Variants in ZFR observed in about 807,000 individuals in gnomAD.
The protein encoded by ZFR is zinc finger RNA-binding protein.
In ZFR, 19 loss-of-function variants were observed where a neutral mutation model predicts 130.7. The ratio of observed to expected loss-of-function variants is 0.15; its 90% confidence interval spans 0.10 to 0.21. ZFR has a LOEUF of 0.21. Among genes scored for constraint, ZFR ranks in the 10% least tolerant of loss-of-function variants. The pLI is 1.00. For missense variants in ZFR, 872 were observed against 1,321.5 expected (o/e 0.66, Z 5.27); for synonymous variants, 466 against 456.9 (o/e 1.02, Z -0.25).
chr5:32,395,078 TG>T, intron 11 of ZFR, 80 bp downstream of exon 11: 1 of 1,450,020 alleles, frequency 6.9e-7, no homozygotes, highest in Non-Finnish European at 9.1e-7. Context: ...TTGCTTTGAA[TG>T]GGAGTCACAT....
At position 32,376,301 on chromosome 5, in the gene ZFR, TTACATA is replaced by T. The variant is rs1209790223; in HGVS notation, c.2835+2808_2835+2813del. On this transcript the variant is annotated intron_variant, in intron 17 of 19. Transcript: ENST00000265069. ...CAAAAATTTTGTTATGTATTTAAAT[TTACATA>T]TACATATCTATAGAAAATAAAATTC... 1.1e-4 allele frequency among the ~76,000 whole-genome samples: 17 copies of T among 152,132 alleles called. 1 individual carries two copies. Among genetic ancestry groups the T allele is most frequent in the Non-Finnish European group, 2.9e-5 (2 of 68,042 alleles).
intron 2 of ZFR, among the ~76,000 whole-genome samples, chr5:32,426,460 A>G (rs1264330056): frequency 2.0e-5 from 3 of 152,200 alleles, no homozygotes; most frequent in African/African-American, 7.2e-5. Context: ...AAAACTATGA[A>G]AAGCCCATAG....
At chr5:32,368,115 C>T (rs1456410337) in intron 17 of ZFR, among the ~76,000 whole-genome samples, 1 of 152,018 alleles carries the variant, frequency 6.6e-6, no homozygotes, top group African/African-American at 2.4e-5. Flanking sequence ...GAGACAAAGA[C>T]CTATGTAAAA....
chr5:32,401,836 G>A (rs896990683), intron 8 of ZFR, among the ~76,000 whole-genome samples: 1 of 152,202 alleles, frequency 6.6e-6, no homozygotes, highest in Non-Finnish European at 1.5e-5. Flanking sequence ...CAATGGCAAC[G>A]AAGAAGTTTT....
At chr5:32,387,475 C>T (rs535864840) in intron 14 of ZFR, 74 bp downstream of exon 14, 45 of 1,554,400 alleles carry the variant, frequency 2.9e-5, no homozygotes, top group South Asian at 4.9e-5. Context: ...AGGTTTAAAC[C>T]GAAGCACAGT....
chr5:32,400,263 T>C, intron 8 of ZFR, 60 bp from the exon 9 acceptor site: 2 of 1,252,800 alleles, frequency 1.6e-6, no homozygotes. Context: ...ATATACCTGA[T>C]AAGACGAAAA....
intron 6 of ZFR, among the ~76,000 whole-genome samples, chr5:32,406,456 G>A (rs989072114): frequency 2.0e-5 from 3 of 152,070 alleles, no homozygotes; most frequent in South Asian, 2.1e-4. Context: ...AAAACACAAC[G>A]AAATAAAAAT....
At chr5:32,381,607 TATCTC>T (rs2111713077) in intron 15 of ZFR, among the ~76,000 whole-genome samples, 1 of 152,340 alleles carries the variant, frequency 6.6e-6, no homozygotes, top group Non-Finnish European at 1.5e-5. Flanking sequence ...AAGTTACTCA[TATCTC>T]ATAAGCATTC....
chr5:32,412,965 G>A (rs573091653), intron 5 of ZFR, among the ~76,000 whole-genome samples: 10 of 152,208 alleles, frequency 6.6e-5, no homozygotes, highest in Admixed American at 2.6e-4. Flanking sequence ...CAAGGTGGGC[G>A]GATCACTTGA....
chr5:32,390,994 T>C (rs1470002917), intron 11 of ZFR, among the ~76,000 whole-genome samples: 1 of 152,202 alleles, frequency 6.6e-6, no homozygotes, highest in Non-Finnish European at 1.5e-5. Flanking sequence ...ATTGTTGCCA[T>C]AAGGGAATAC....
chr5:32,385,667 TAA>T lies in ZFR; in HGVS notation c.2500-20_2500-19del. 1 of 1,610,308 alleles carries T rather than the reference TAA, an allele frequency of 6.2e-7. No individual in the cohort carries two copies. The highest frequency in any genetic ancestry group is 1.7e-5 in the Admixed American group (1 of 59,694). ...CTTATAACCTGTGTAATGAAGATGA[TAA>T]GAAACAAATTGGATCTGTTGTATTA... On this transcript the variant is annotated intron_variant, in intron 14 of 19. Transcript: ENST00000265069.
intron 17 of ZFR, among the ~76,000 whole-genome samples, chr5:32,368,274 CTT>C (rs1752590561): frequency 6.6e-6 from 1 of 152,122 alleles, no homozygotes; most frequent in Non-Finnish European, 1.5e-5. Flanking sequence ...GAGTTTCACT[CTT>C]GTTGTCCAGG....
In ZFR at chr5:32,395,296, T is replaced by C. The variant is rs2111750895; in HGVS notation, c.1842A>G (p.Val614=). ...TTACTTCTACTTGCAAATCTGGATT[T>C]ACTTTTTTCTATTAATATAAATAAG... ...RRHRLQYKKK[V]NPDLQVEVKP... Residue 614 remains valine (V), a synonymous_variant, in exon 11 of 20, where the codon GTA becomes GTG. Coordinates refer to ENST00000265069, the MANE Select transcript of ZFR (RefSeq NM_016107.5). 6.3e-7 allele frequency: 1 copy of C among 1,579,440 alleles called. No individual in the cohort carries two copies. Among genetic ancestry groups the C allele is most frequent in the East Asian group, 2.3e-5 (1 of 44,076 alleles).
At chr5:32,390,087 G>A (rs529078151) in intron 12 of ZFR, among the ~76,000 whole-genome samples, 188 bp downstream of exon 12, 1 of 152,268 alleles carries the variant, frequency 6.6e-6, no homozygotes, top group East Asian at 1.9e-4. Flanking sequence ...GGAAGCGCAC[G>A]TTACGTGCAG....
intron 2 of ZFR, among the ~76,000 whole-genome samples, chr5:32,437,565 G>A (rs1332202379): frequency 3.3e-5 from 5 of 152,174 alleles, no homozygotes; most frequent in Non-Finnish European, 5.9e-5. Flanking sequence ...ACAATTAATA[G>A]TCAAGCAACC....
chr5:32,410,675 C>T (rs1753688051), intron 5 of ZFR, among the ~76,000 whole-genome samples: 1 of 151,898 alleles, frequency 6.6e-6, no homozygotes, highest in South Asian at 2.1e-4. Context: ...ATGTATGATA[C>T]CAGAAACAAA....
intron 17 of ZFR, among the ~76,000 whole-genome samples, chr5:32,375,661 C>A (rs1342891396): frequency 6.6e-6 from 1 of 152,062 alleles, no homozygotes; most frequent in African/African-American, 2.4e-5. Flanking sequence ...CACATGCCAC[C>A]ATGCCGGGCT....
Position 32,374,356 on chromosome 5 carries a change from A to G in ZFR, c.2835+4759T>C, listed in dbSNP as rs982774664. On this transcript the variant is annotated intron_variant, in intron 17 of 19. Coordinates refer to ENST00000265069, the MANE Select transcript of ZFR (RefSeq NM_016107.5). ...CTCTGTCTCTACTAAAAATACAATC[A>G]GCCAGGCGTGGTGGTGCATGCCTGT... 2.6e-5 allele frequency among the ~76,000 whole-genome samples: 4 copies of G among 152,084 alleles called. No homozygotes were observed. In the South Asian group the frequency reaches 6.2e-4, roughly 24 times the overall value.
intron 9 of ZFR, 31 bp downstream of exon 9, chr5:32,399,976 T>G (rs1490526351): frequency 3.8e-6 from 6 of 1,560,728 alleles, no homozygotes; most frequent in Admixed American, 1.9e-5. Flanking sequence ...TTTATCCAAT[T>G]TCACAGCAAT....
Sources: gnomAD v4.1 joint callset for allele counts (sites outside exome capture counted in the v4.1 genomes callset) on GRCh38, gnomAD v4.1.1 for gene constraint, MANE v1.5 for transcripts, NCBI Gene and HGNC (gene_info 2026-07-23, HGNC 2026-07-21) for gene names.